The following HCN3 variants were observed in gnomAD, a reference collection of about 807,000 sequenced individuals.
HCN3 encodes hyperpolarization activated cyclic nucleotide gated potassium channel 3, also known as potassium/sodium hyperpolarization-activated cyclic nucleotide-gated channel 3.
Under a neutral mutation model 56.8 loss-of-function variants are expected in HCN3, and 36 were observed. That is an observed-to-expected ratio of 0.63 (90% CI 0.49 to 0.84). The LOEUF is 0.84. Among genes scored for constraint, HCN3 ranks in the 40% least tolerant of loss-of-function variants. The pLI, the probability that HCN3 is intolerant of heterozygous loss-of-function variation, is 0.00. For synonymous variants in HCN3, 425 were observed against 439.7 expected, an observed-to-expected ratio of 0.97 and a Z score of 0.42; for missense variants, 930 against 1,079.3, an observed-to-expected ratio of 0.86 and a Z score of 1.94.
rs188312479 is a variant in HCN3, at chr1:155,281,600, C to T, written c.279-811C>T. Among the ~76,000 whole-genome samples the T allele has an allele frequency of 2.5e-3, 374 of 151,490 alleles. 2 individuals are homozygous for T. The highest frequency in any genetic ancestry group is 8.7e-3 in the African/African-American group (357 of 41,248). ...GCCAGATTGGTCTCAAACTCCTGAC[C>T]TCAGGTGATCCGCCAGTCTCAGCCT... On this transcript the variant is annotated intron_variant, in intron 1 of 7. Transcript: ENST00000368358.
intron 1 of HCN3, among the ~76,000 whole-genome samples, chr1:155,280,327 C>A (rs940007274): frequency 6.6e-6 from 1 of 151,708 alleles, no homozygotes; most frequent in Non-Finnish European, 1.5e-5. Flanking sequence ...GGCAGTGGAG[C>A]GGTTTCAGCT....
Position 155,285,667 on chromosome 1 carries a change from G to C in HCN3, c.1237-57G>C. ...GGGTTTCTGGAAGCGGATGAGCTCG[G>C]TGGGATCATCTCAGGTCAGGGGCAC... On this transcript the variant is annotated intron_variant, in intron 5 of 7. Coordinates refer to ENST00000368358, the MANE Select transcript of HCN3 (RefSeq NM_020897.3). The surrounding 1 kb of genome is among the most constrained non-coding windows in gnomAD (Gnocchi z 4.5). The C allele has an allele frequency of 1.2e-6, 2 of 1,600,316 alleles. No homozygotes were observed. Among genetic ancestry groups the C allele is most frequent in the East Asian group, 4.5e-5 (2 of 44,634 alleles).
At chr1:155,281,217 T>A (rs1385583136) in intron 1 of HCN3, among the ~76,000 whole-genome samples, 1 of 147,242 alleles carries the variant, frequency 6.8e-6, no homozygotes, top group Non-Finnish European at 1.5e-5. Flanking sequence ...ACTACAGGTG[T>A]GCACCACCAT....
At chr1:155,286,107 T>G in intron 6 of HCN3, 143 bp downstream of exon 6, 2 of 1,190,984 alleles carry the variant, frequency 1.7e-6, no homozygotes, top group Non-Finnish European at 2.3e-6. Context: ...TGAGAATCTC[T>G]GGGCTGGGGT....
In HCN3 at chr1:155,288,178, C is replaced by T. The variant is rs534590190; in HGVS notation, c.2040C>T (p.His680=). The change falls in exon 8 of 8, where the codon CAC becomes CAT. Residue 680 remains histidine (H), a synonymous_variant. Coordinates refer to ENST00000368358, the MANE Select transcript of HCN3 (RefSeq NM_020897.3). This position sits in a 1 kb window ranked among gnomAD's most constrained non-coding sequence, Gnocchi z 6.5. ...CCGCCCCACCTGCCCGAACCCTGCA[C>T]GCCAGCCTATCCCGGGCAGGGCGCT... ...RLPAPPARTL[H]ASLSRAGRSQ... The T allele has an allele frequency of 1.8e-5, 29 of 1,577,702 alleles. No individual in the cohort carries two copies. Among genetic ancestry groups the T allele is most frequent in the East Asian group, 9.4e-5 (4 of 42,774 alleles).
chr1:155,286,007 G>A (rs772981054), intron 6 of HCN3, 43 bp downstream of exon 6: 1 of 1,539,538 alleles, frequency 6.5e-7, no homozygotes, highest in Admixed American at 1.9e-5. Context: ...CGAGCAGACA[G>A]TGGAGAGGGC....
Position 155,282,967 on chromosome 1 carries a change from G to A in HCN3, c.708+127G>A. 1.0e-6 allele frequency: 1 copy of A among 960,218 alleles called. No individual in the cohort carries two copies. The highest frequency in any genetic ancestry group is 1.5e-6 in the Non-Finnish European group (1 of 657,412). The allele number at this position is 960,218 out of a possible 1,614,324, so 59.5% of individuals were successfully genotyped here. A position where few individuals can be genotyped will look rare whatever the true frequency, so the allele number is the denominator to read the frequency against. ...GCTCCTGGTGACCTTATAGTGTGGG[G>A]AAGATGGGTGGGGCTTCCGTGCGTG... On this transcript the variant is annotated intron_variant, in intron 2 of 7. Transcript: ENST00000368358. The surrounding 1 kb of genome is among the most constrained non-coding windows in gnomAD (Gnocchi z 4.7).
In HCN3 at chr1:155,284,018, C is replaced by A; in HGVS notation, c.753C>A (p.Ile251=). ...ACCTGGCCAGTGCTGTGGTTCGCAT[C>A]TTCAACCTCATTGGGATGATGCTGC... ...TYDLASAVVR[I]FNLIGMMLLL... Residue 251 remains isoleucine (I), a synonymous_variant, in exon 3 of 8, where the codon ATC becomes ATA. Coordinates refer to ENST00000368358, the MANE Select transcript of HCN3 (RefSeq NM_020897.3). The surrounding 1 kb of genome is among the most constrained non-coding windows in gnomAD (Gnocchi z 4.3). 6.2e-7 allele frequency: 1 copy of A among 1,614,156 alleles called. No individual in the cohort carries two copies.
chr1:155,278,079 G>A (rs1428367195), intron 1 of HCN3, among the ~76,000 whole-genome samples: 2 of 152,166 alleles, frequency 1.3e-5, no homozygotes, highest in Non-Finnish European at 2.9e-5. Context: ...GACAGGCTGG[G>A]GGCACCAGAA....
chr1:155,281,511 G>A (rs896373455), intron 1 of HCN3, among the ~76,000 whole-genome samples: 1 of 152,078 alleles, frequency 6.6e-6, no homozygotes, highest in African/African-American at 2.4e-5. Flanking sequence ...TGGGGTTACA[G>A]GCTCTCGCCA....
At chr1:155,283,485 T>C (rs577331229) in intron 2 of HCN3, among the ~76,000 whole-genome samples, 7 of 151,868 alleles carry the variant, frequency 4.6e-5, no homozygotes, top group Non-Finnish European at 1.0e-4. Context: ...ATACATGTGC[T>C]ATGCTGGTGC....
intron 6 of HCN3, among the ~76,000 whole-genome samples, chr1:155,286,592 G>A (rs1019421547): frequency 2.6e-5 from 4 of 152,328 alleles, no homozygotes; most frequent in African/African-American, 9.6e-5. Context: ...AAGCAGAGCT[G>A]TCCTGGAGCA....
In HCN3 at chr1:155,277,742, C is replaced by A. The variant is rs1251450769; in HGVS notation, c.152C>A (p.Thr51Lys). 2 of 1,600,910 alleles carry A rather than the reference C, an allele frequency of 1.2e-6. No homozygotes were observed. The highest frequency in any genetic ancestry group is 1.7e-5 in the Admixed American group (1 of 58,036). The change falls in exon 1 of 8, where the codon ACG becomes AAG. Residue 51 changes from threonine (T) to lysine (K), a missense_variant. Thr to Lys is a moderately conservative substitution (Grantham distance 78, BLOSUM62 -1). Transcript: ENST00000368358. ...GAGCCTAAGAGGAGGCACCTTGGGA[C>A]GCTGCTCCAGCCTACGGTCAACAAG... ...GPEPKRRHLG[T>K]LLQPTVNKFS...
In HCN3 at chr1:155,282,800, G is replaced by A; in HGVS notation, c.668G>A (p.Arg223His). 6.3e-7 allele frequency: 1 copy of A among 1,576,628 alleles called. No individual in the cohort carries two copies. The highest frequency in any genetic ancestry group is 8.6e-7 in the Non-Finnish European group (1 of 1,158,028). ...TKILSLLRLLRLSRLIRYIHQ... is the reference protein window; with the variant it reads ...TKILSLLRLLHLSRLIRYIHQ... ...ATCCTAAGCCTGCTGAGGCTGCTCC[G>A]CCTCTCCCGCCTCATCCGCTACATA... is the stretch of plus-strand genomic sequence containing the variant. Residue 223 changes from arginine to histidine, a missense_variant, in exon 2 of 8, where the codon CGC becomes CAC. By Grantham distance (29) the Arg-to-His change is conservative (BLOSUM62 0). Transcript: ENST00000368358. The surrounding 1 kb of genome is among the most constrained non-coding windows in gnomAD (Gnocchi z 4.7).
In HCN3 at chr1:155,285,897, T is replaced by A. The variant is rs773908124; in HGVS notation, c.1410T>A (p.His470Gln). The A allele has an allele frequency of 6.2e-7, 1 of 1,613,282 alleles. No individual in the cohort carries two copies. ...SVGRKMYFIQHGLLSVLARGA... is the reference protein window; with the variant it reads ...SVGRKMYFIQQGLLSVLARGA... The stretch of plus-strand genomic sequence containing the variant: ...GGAGGAAGATGTACTTCATCCAGCA[T>A]GGGCTGCTCAGTGTGCTGGCCCGCG... Residue 470 changes from histidine (H) to glutamine (Q), a missense_variant, in exon 6 of 8, where the codon CAT becomes CAA. Coordinates refer to ENST00000368358, the MANE Select transcript of HCN3 (RefSeq NM_020897.3). This position sits in a 1 kb window ranked among gnomAD's most constrained non-coding sequence, Gnocchi z 4.5.
intron 1 of HCN3, among the ~76,000 whole-genome samples, chr1:155,281,398 CA>C (rs1674043889): frequency 6.8e-6 from 1 of 146,202 alleles, no homozygotes; most frequent in Non-Finnish European, 1.5e-5. Flanking sequence ...GGCAGAGTCT[CA>C]CTGTTGTCAC....
Position 155,284,251 on chromosome 1 carries a change from G to C in HCN3, c.870+116G>C. On this transcript the variant is annotated intron_variant, in intron 3 of 7. Coordinates refer to ENST00000368358, the MANE Select transcript of HCN3 (RefSeq NM_020897.3). This position sits in a 1 kb window ranked among gnomAD's most constrained non-coding sequence, Gnocchi z 4.3. The stretch of plus-strand genomic sequence containing the variant: ...GAGATGATCACAACAGAAAATAGGA[G>C]CGAGGAGGTGGGGAGGAGGGAGGAA... 8.0e-7 allele frequency: 1 copy of C among 1,249,464 alleles called. No homozygotes were observed. Among genetic ancestry groups the C allele is most frequent in the Non-Finnish European group, 1.1e-6 (1 of 896,974 alleles). The allele number at this position is 1,249,464 out of a possible 1,614,324, so 77.4% of individuals were successfully genotyped here.
Position 155,282,745 on chromosome 1 carries a change from C to G in HCN3, c.613C>G (p.Arg205Gly). ...GGACGCTGAGGTCTACAAAACGGCA[C>G]GGGCCCTACGCATCGTTCGCTTCAC... ...RLDAEVYKTA[R>G]ALRIVRFTKI... Residue 205 changes from arginine to glycine, a missense_variant, in exon 2 of 8, where the codon CGG becomes GGG. Transcript: ENST00000368358. The surrounding 1 kb of genome is among the most constrained non-coding windows in gnomAD (Gnocchi z 4.7). 6.2e-7 allele frequency: 1 copy of G among 1,614,146 alleles called. No individual in the cohort carries two copies. The highest frequency in any genetic ancestry group is 8.5e-7 in the Non-Finnish European group (1 of 1,180,030).
At position 155,281,927 on chromosome 1, in the gene HCN3, A is replaced by G. The variant is rs768067264; in HGVS notation, c.279-484A>G. 2.6e-5 allele frequency among the ~76,000 whole-genome samples: 4 copies of G among 152,252 alleles called. No homozygotes were observed. The East Asian group carries it at 5.8e-4, about 22-fold the overall frequency. ...TTTGTTGTTGAGATGAGGTCTCACT[A>G]TGTTGCCCAGGCTGTTTCTTGCTTC... On this transcript the variant is annotated intron_variant, in intron 1 of 7. Transcript: ENST00000368358.
Sources: gnomAD v4.1 joint callset for allele counts (sites outside exome capture counted in the v4.1 genomes callset) on GRCh38, gnomAD v4.1.1 for gene constraint, Gnocchi (gnomAD v3.1) non-coding constraint, MANE v1.5 for transcripts, NCBI Gene and HGNC (gene_info 2026-07-23, HGNC 2026-07-21) for gene names.